NAALADL2: variants seen among roughly 807,000 people sequenced by gnomAD.
The protein encoded by NAALADL2 is N-acetylated alpha-linked acidic dipeptidase like 2.
Under a neutral mutation model 87.2 loss-of-function variants are expected in NAALADL2, and 76 were observed. That is an observed-to-expected ratio of 0.87 (90% confidence interval 0.72 to 1.05). NAALADL2 has a LOEUF of 1.05. NAALADL2 is among the 50% of genes least tolerant of loss of function. NAALADL2 has a pLI of 0.00. For synonymous variants in NAALADL2, 354 were observed against 331.0 expected, an observed-to-expected ratio of 1.07 and a Z score of -0.75; for missense variants, 1,089 against 945.8, an observed-to-expected ratio of 1.15 and a Z score of -1.99.
intron 9 of NAALADL2, among the ~76,000 whole-genome samples, chr3:175,504,571 CT>C (rs1730014282): frequency 5.2e-4 from 2 of 3,822 alleles, no homozygotes; most frequent in Non-Finnish European, 7.9e-4. Flanking sequence ...CTGTTTCTCT[CT>C]CTCTCTCTCT....
At chr3:174,831,357 T>C in intron 3 of NAALADL2, among the ~76,000 whole-genome samples, 1 of 146,490 alleles carries the variant, frequency 6.8e-6, no homozygotes, top group Non-Finnish European at 1.5e-5. Context: ...CTGCATCTAT[T>C]GAGAAAATCA....
At chr3:175,423,332 T>G (rs1275239171) in intron 5 of NAALADL2, among the ~76,000 whole-genome samples, 1 of 150,938 alleles carries the variant, frequency 6.6e-6, no homozygotes, top group Non-Finnish European at 1.5e-5. Context: ...TTGTTACATA[T>G]GTATTCATGT....
At chr3:174,529,687 T>C (rs1721066703) in intron 1 of NAALADL2, among the ~76,000 whole-genome samples, 1 of 152,258 alleles carries the variant, frequency 6.6e-6, no homozygotes, top group Non-Finnish European at 1.5e-5. Context: ...ACTGCAGTTC[T>C]TGACCTCTGT....
At chr3:175,408,698 G>A (rs1712894868) in intron 5 of NAALADL2, among the ~76,000 whole-genome samples, 1 of 151,768 alleles carries the variant, frequency 6.6e-6, no homozygotes, top group Admixed American at 6.6e-5. Flanking sequence ...TATTTTGAGG[G>A]GCATAAACAT....
chr3:175,201,358 T>C (rs1739996976), intron 2 of NAALADL2, among the ~76,000 whole-genome samples: 2 of 152,178 alleles, frequency 1.3e-5, no homozygotes, highest in Admixed American at 6.5e-5. Flanking sequence ...CCCACCCCCA[T>C]CAGTAGCTAA....
chr3:175,113,708 T>G (rs1435018589), intron 2 of NAALADL2, among the ~76,000 whole-genome samples: 1 of 151,564 alleles, frequency 6.6e-6, no homozygotes, highest in Non-Finnish European at 1.5e-5. Context: ...ACCCTGAACA[T>G]GCAGTGGTTT....
At chr3:175,786,014 T>A (rs1751893476) in intron 13 of NAALADL2, among the ~76,000 whole-genome samples, 1 of 152,210 alleles carries the variant, frequency 6.6e-6, no homozygotes, top group South Asian at 2.1e-4. Context: ...CTTTTAAGAA[T>A]GTTGAATATC....
chr3:175,322,215 C>G (rs1484356079), intron 4 of NAALADL2, among the ~76,000 whole-genome samples: 2 of 151,046 alleles, frequency 1.3e-5, no homozygotes, highest in South Asian at 2.1e-4. Flanking sequence ...TTTGACAAAC[C>G]TGAGAAAAGC....
chr3:174,671,098 G>A (rs753575006), intron 2 of NAALADL2, among the ~76,000 whole-genome samples: 2 of 152,106 alleles, frequency 1.3e-5, no homozygotes, highest in South Asian at 4.1e-4. Context: ...AGATGCCAGC[G>A]TCATGCTTTC....
rs1560398335 is a variant in NAALADL2 at position 175,343,658 on chromosome 3, T to TTTTTTTTTTTTTTG, written c.1090+19346_1090+19347insGTTTTTTTTTTTTT. ...AGTTCCTGTGTGTCTTGATCATGTT[T>TTTTTTTTTTTTTTG]TTTTTTTTTTTTTTTTTTCCCTTCC... On this transcript the variant is annotated intron_variant, in intron 5 of 13. Transcript: ENST00000454872. 7.4e-5 allele frequency among the ~76,000 whole-genome samples: 10 copies of TTTTTTTTTTTTTTG among 134,386 alleles called. 1 individual carries two copies. The highest frequency in any genetic ancestry group is 1.5e-4 in the Admixed American group (2 of 13,426). 88.2% of individuals were successfully genotyped at this position (134,386 alleles called of 152,430 possible).
chr3:175,269,147 C>T (rs927191724), intron 4 of NAALADL2, among the ~76,000 whole-genome samples: 4 of 151,822 alleles, frequency 2.6e-5, no homozygotes, highest in African/African-American at 4.8e-5. Context: ...CCATGTTGAC[C>T]GGGCTGGTCT....
At chr3:174,855,585 ATCT>A (rs1415603716), upstream of NAALADL2, among the ~76,000 whole-genome samples, 3 of 151,950 alleles carry the variant, frequency 2.0e-5, no homozygotes, top group African/African-American at 4.8e-5. Flanking sequence ...ATTTTCTATC[ATCT>A]TCTTTGCTAA....
intron 13 of NAALADL2, among the ~76,000 whole-genome samples, chr3:175,764,706 T>C (rs1301268406): frequency 1.3e-5 from 2 of 152,132 alleles, no homozygotes; most frequent in Non-Finnish European, 2.9e-5. Flanking sequence ...CCAGTTTATA[T>C]TTAGGCAAGC....
chr3:174,551,628 A>G (rs904463704), intron 2 of NAALADL2, among the ~76,000 whole-genome samples: 19 of 152,190 alleles, frequency 1.2e-4, no homozygotes, highest in African/African-American at 4.1e-4. Flanking sequence ...GTTAACTACT[A>G]TATTATTTCG....
chr3:175,518,476 T>C (rs780329999), intron 9 of NAALADL2, among the ~76,000 whole-genome samples: 2 of 152,254 alleles, frequency 1.3e-5, no homozygotes, highest in Non-Finnish European at 2.9e-5. Flanking sequence ...CCATCTTTTG[T>C]TATTTATAAC....
At chr3:175,484,847 T>C (rs1473923691) in intron 9 of NAALADL2, among the ~76,000 whole-genome samples, 1 of 152,166 alleles carries the variant, frequency 6.6e-6, no homozygotes, top group Non-Finnish European at 1.5e-5. Flanking sequence ...AAAGCTTGAC[T>C]ATGTGTTTCT....
upstream of NAALADL2, among the ~76,000 whole-genome samples, chr3:174,856,517 A>G (rs988274471): frequency 6.6e-5 from 10 of 152,136 alleles, no homozygotes; most frequent in African/African-American, 1.9e-4. Flanking sequence ...CAGTTTATTC[A>G]CACTGTAGGT....
At chr3:175,772,397 A>T (rs1423289028) in intron 13 of NAALADL2, among the ~76,000 whole-genome samples, 2 of 152,132 alleles carry the variant, frequency 1.3e-5, no homozygotes, top group Non-Finnish European at 2.9e-5. Context: ...AGTAAAAGAA[A>T]GCTGGAAGTC....
intron 1 of NAALADL2, among the ~76,000 whole-genome samples, chr3:174,547,737 G>C (rs1023809922): frequency 6.6e-6 from 1 of 151,898 alleles, no homozygotes; most frequent in African/African-American, 2.4e-5. Flanking sequence ...CAATAGTTCT[G>C]AGTCAAGTGA....
Sources: gnomAD v4.1 joint callset for allele counts (sites outside exome capture counted in the v4.1 genomes callset) on GRCh38, gnomAD v4.1.1 for gene constraint, MANE v1.5 for transcripts, NCBI Gene and HGNC (gene_info 2026-07-23, HGNC 2026-07-21) for gene names.